CASD1: variants seen among roughly 807,000 people sequenced by gnomAD.
CASD1 encodes N-acetylneuraminate (7)9-O-acetyltransferase.
A neutral mutation model predicts 100.0 loss-of-function variants in CASD1; 41 were observed. The ratio of observed to expected loss-of-function variants is 0.41; its 90% CI spans 0.32 to 0.53. The LOEUF is 0.53. Among genes scored for constraint, CASD1 ranks in the 20% least tolerant of loss-of-function variants. The pLI is 0.25. For missense variants in CASD1, 774 were observed against 948.7 expected, an observed-to-expected ratio of 0.82 and a Z score of 2.42; for synonymous variants, 321 against 315.6, an observed-to-expected ratio of 1.02 and a Z score of -0.18.
At chr7:94,618,814 TG>T in the CASD1 span, 1 of 1,614,112 alleles carries the variant, frequency 6.2e-7, no homozygotes, top group Non-Finnish European at 8.5e-7. Context: ...CTAGGGCCGA[TG>T]TGATGTTTAT....
chr7:94,617,325 A>G, the CASD1 span: 1 of 152,244 alleles, frequency 6.6e-6, no homozygotes, highest in African/African-American at 2.4e-5. Context: ...TGGGACCTGC[A>G]CTACTAACGA....
chr7:94,562,706 T>C, the CASD1 span, among the ~76,000 whole-genome samples: 1 of 152,158 alleles, frequency 6.6e-6, no homozygotes, highest in Non-Finnish European at 1.5e-5. Context: ...TGTTTCCTCT[T>C]TTGAAATTGC....
intron 12 of CASD1, 145 bp from the exon 13 acceptor site, chr7:94,546,951 A>G: frequency 2.1e-6 from 1 of 486,678 alleles, no homozygotes; most frequent in Non-Finnish European, 3.4e-6. Context: ...AATTTATACT[A>G]ACTGGATATA....
chr7:94,625,147 A>G, the CASD1 span: 1 of 151,998 alleles, frequency 6.6e-6, no homozygotes, highest in Non-Finnish European at 1.5e-5. Context: ...AACAGAGCTG[A>G]TCTATTTTAG....
At chr7:94,600,219 T>G in the CASD1 span, 1 of 193,968 alleles carries the variant, frequency 5.2e-6, no homozygotes, top group Admixed American at 5.4e-5. Flanking sequence ...TTTTAAACAT[T>G]AAATTGTGTT....
At chr7:94,570,092 C>T in the CASD1 span, among the ~76,000 whole-genome samples, 1,372 of 151,826 alleles carry the variant, frequency 9.0e-3, 10 homozygotes, top group Middle Eastern at 0.034. Context: ...GGATTACAGG[C>T]GTGAGCCACC....
At chr7:94,560,158 C>T (rs183013434), downstream of CASD1, among the ~76,000 whole-genome samples, 849 of 152,208 alleles carry the variant, frequency 5.6e-3, 6 homozygotes, top group Non-Finnish European at 8.3e-3. Flanking sequence ...TGCTGATAGA[C>T]GGAATGAATA....
intron 3 of CASD1, 95 bp downstream of exon 3, chr7:94,518,418 T>C: frequency 1.9e-6 from 2 of 1,063,228 alleles, no homozygotes; most frequent in Non-Finnish European, 1.3e-6. Context: ...GAGTAGGAGC[T>C]GAAAAAATTT....
chr7:94,552,538 C>G (rs1420115034), intron 16 of CASD1, 111 bp downstream of exon 16: 7 of 729,750 alleles, frequency 9.6e-6, no homozygotes, highest in South Asian at 9.2e-5. Context: ...GAAGTTACTT[C>G]ATCTTTCTAA....
chr7:94,623,986 G>T, the CASD1 span: 1 of 385,588 alleles, frequency 2.6e-6, no homozygotes, highest in Non-Finnish European at 4.6e-6. Flanking sequence ...CCCTTCATAC[G>T]GGCAAATATT....
the CASD1 span, among the ~76,000 whole-genome samples, chr7:94,630,386 C>A: frequency 2.0e-5 from 3 of 151,680 alleles, no homozygotes; most frequent in African/African-American, 7.3e-5. Context: ...GCATTGGATA[C>A]TTTTTCTGGG....
At chr7:94,628,376 GAATT>G in the CASD1 span, 1 of 1,579,096 alleles carries the variant, frequency 6.3e-7, no homozygotes, top group African/African-American at 1.3e-5. Context: ...AAGAAACAGA[GAATT>G]AAGACATAAG....
intron 10 of CASD1, 123 bp from the exon 11 acceptor site, chr7:94,544,288 T>G: frequency 8.4e-7 from 1 of 1,193,754 alleles, no homozygotes; most frequent in Non-Finnish European, 1.2e-6. Flanking sequence ...AGAATCAACT[T>G]TGTGATTGAG....
chr7:94,589,336 TCTG>T, the CASD1 span: 1 of 156,732 alleles, frequency 6.4e-6, no homozygotes. Flanking sequence ...CTCATTTGGA[TCTG>T]CCCCATTCCT....
At chr7:94,628,061 C>T in the CASD1 span, 1 of 645,752 alleles carries the variant, frequency 1.5e-6, no homozygotes, top group Non-Finnish European at 2.8e-6. Context: ...ATGTTATCTA[C>T]TGTGTTTCCA....
chr7:94,520,061 G>A (rs1163317656), intron 3 of CASD1, among the ~76,000 whole-genome samples: 1 of 152,066 alleles, frequency 6.6e-6, no homozygotes, highest in East Asian at 1.9e-4. Flanking sequence ...ATTATCAAAC[G>A]AGATATCAGA....
intron 1 of CASD1, among the ~76,000 whole-genome samples, chr7:94,516,022 TCATC>T (rs1170328270): frequency 6.6e-6 from 1 of 152,106 alleles, no homozygotes; most frequent in African/African-American, 2.4e-5. Flanking sequence ...CTTTTTTTAC[TCATC>T]CTTAGTTATT....
At chr7:94,590,381 T>G in the CASD1 span, 1 of 152,176 alleles carries the variant, frequency 6.6e-6, no homozygotes, top group Non-Finnish European at 1.5e-5. Context: ...CTGATTGTCA[T>G]TGTATTCTCT....
intron 12 of CASD1, among the ~76,000 whole-genome samples, 190 bp from the exon 13 acceptor site, chr7:94,546,906 C>T (rs975544994): frequency 6.6e-6 from 1 of 151,764 alleles, no homozygotes; most frequent in East Asian, 1.9e-4. Context: ...TCATGCCTAG[C>T]AAGAATCCTT....
Sources: allele counts gnomAD v4.1 joint callset (sites outside exome capture counted in the v4.1 genomes callset), GRCh38; gene constraint gnomAD v4.1.1; transcripts MANE v1.5; gene names NCBI Gene and HGNC (gene_info 2026-07-23, HGNC 2026-07-21).